BARX2: variants seen among roughly 807,000 people sequenced by gnomAD.
The protein encoded by BARX2 is homeobox protein BarH-like 2.
A neutral mutation model predicts 25.5 loss-of-function variants in BARX2; 11 were observed. The observed-to-expected ratio is 0.43, with a 90% CI of 0.27 to 0.71. BARX2 has a LOEUF of 0.71. Among genes scored for constraint, BARX2 ranks in the 30% least tolerant of loss-of-function variants. The pLI is 0.19. For missense variants in BARX2, 360 were observed against 359.9 expected (o/e 1.00, Z 0.00); for synonymous variants, 137 against 149.5 (o/e 0.92, Z 0.61).
intron 1 of BARX2, among the ~76,000 whole-genome samples, chr11:129,427,331 A>G (rs975078465): frequency 6.6e-6 from 1 of 152,030 alleles, no homozygotes; most frequent in Non-Finnish European, 1.5e-5. Flanking sequence ...ACCTCAAACT[A>G]CCAGCCAGTT....
intron 1 of BARX2, among the ~76,000 whole-genome samples, chr11:129,384,818 T>C (rs1861602586): frequency 6.6e-6 from 1 of 152,224 alleles, no homozygotes. Flanking sequence ...AGCGACTGTT[T>C]AGAAATTACC....
At chr11:129,434,966 A>G (rs1000615069) in intron 1 of BARX2, among the ~76,000 whole-genome samples, 18 of 152,252 alleles carry the variant, frequency 1.2e-4, no homozygotes, top group Admixed American at 6.5e-4. Context: ...GTCATTTCCT[A>G]TAATGATAAG....
At chr11:129,448,738 C>A (rs572962846) in intron 3 of BARX2, among the ~76,000 whole-genome samples, 2 of 152,186 alleles carry the variant, frequency 1.3e-5, no homozygotes, top group Non-Finnish European at 2.9e-5. Flanking sequence ...CCAAATGATC[C>A]AGCAATTCAA....
chr11:129,400,794 G>A (rs111755809), intron 1 of BARX2, among the ~76,000 whole-genome samples: 1,712 of 152,318 alleles, frequency 0.011, 43 homozygotes, highest in African/African-American at 0.036. Context: ...GGTGGCAGGC[G>A]TGGGTCAAGG....
At chr11:129,392,848 C>A (rs1861679884) in intron 1 of BARX2, among the ~76,000 whole-genome samples, 1 of 152,018 alleles carries the variant, frequency 6.6e-6, no homozygotes, top group African/African-American at 2.4e-5. Flanking sequence ...TGGCCTCAAG[C>A]GATCCACTTG....
chr11:129,377,725 AAGAG>A (rs1419250797), intron 1 of BARX2, among the ~76,000 whole-genome samples: 2 of 152,218 alleles, frequency 1.3e-5, no homozygotes, highest in African/African-American at 4.8e-5. Flanking sequence ...TTCGAGGAAA[AAGAG>A]AGGATCTGTT....
intron 3 of BARX2, among the ~76,000 whole-genome samples, chr11:129,444,753 T>C (rs1424162751): frequency 2.6e-5 from 4 of 152,034 alleles, no homozygotes; most frequent in Non-Finnish European, 5.9e-5. Context: ...TGTAATCCCA[T>C]CAGTTTGGGA....
In BARX2 at chr11:129,390,678, T is replaced by C. The variant is rs572982091; in HGVS notation, c.187+14456T>C. ...GAAAAATGAGAATGGAAGATTTCAT[T>C]TGGAAATGGCCCTGTGAGTACGTGC... On this transcript the variant is annotated intron_variant, in intron 1 of 3. Transcript: ENST00000281437. This position sits in a 1 kb window ranked among gnomAD's most constrained non-coding sequence, Gnocchi z 4.3. 9.9e-5 allele frequency among the ~76,000 whole-genome samples: 15 copies of C among 152,236 alleles called. No individual in the cohort carries two copies. The South Asian group carries it at 3.1e-3, about 32-fold the overall frequency.
chr11:129,432,271 AG>A (rs1257270274), intron 1 of BARX2, among the ~76,000 whole-genome samples: 1 of 152,158 alleles, frequency 6.6e-6, no homozygotes, highest in Non-Finnish European at 1.5e-5. Flanking sequence ...CATATTGGCC[AG>A]GCTTGTCTCG....
chr11:129,428,927 C>T (rs931767563), intron 1 of BARX2, among the ~76,000 whole-genome samples: 3 of 151,862 alleles, frequency 2.0e-5, no homozygotes, highest in African/African-American at 4.8e-5. Flanking sequence ...TGCATCAGAA[C>T]GTTGGGTCAA....
rs577099852 is a variant in BARX2, at chr11:129,439,376, C to A, written c.488+2325C>A. Among the ~76,000 whole-genome samples, 10 of 152,076 alleles carry A rather than the reference C, an allele frequency of 6.6e-5. No individual in the cohort carries two copies. In the South Asian group the frequency reaches 2.1e-3, roughly 32 times the overall value. ...CACGTGCCATGGTGGTTTACTGCAC[C>A]CATCAACCCATCATCTACATTAGGT... On this transcript the variant is annotated intron_variant, in intron 2 of 3. Transcript: ENST00000281437.
Position 129,399,546 on chromosome 11 carries a change from G to T in BARX2, c.187+23324G>T, listed in dbSNP as rs371813059. 1.2e-4 allele frequency among the ~76,000 whole-genome samples: 19 copies of T among 152,250 alleles called. No homozygotes were observed. In the East Asian group the frequency reaches 3.1e-3, roughly 25 times the overall value. ...CAGAATTGGGGCTTAGTCTGGGCAGGTTCTTGGCTTTGCCCAGAAAAGAAT... is the reference window on the plus strand; with the variant it reads ...CAGAATTGGGGCTTAGTCTGGGCAGTTTCTTGGCTTTGCCCAGAAAAGAAT... On this transcript the variant is annotated intron_variant, in intron 1 of 3. Transcript: ENST00000281437.
intron 1 of BARX2, among the ~76,000 whole-genome samples, chr11:129,418,813 A>C (rs1441581214): frequency 2.6e-5 from 4 of 152,236 alleles, no homozygotes; most frequent in Non-Finnish European, 4.4e-5. Flanking sequence ...GTTGGAATGC[A>C]CATCAACTGC....
chr11:129,425,505 A>G lies in BARX2; in HGVS notation c.188-11246A>G, dbSNP rs151291843. On this transcript the variant is annotated intron_variant, in intron 1 of 3. Coordinates refer to ENST00000281437, the MANE Select transcript of BARX2 (RefSeq NM_003658.5). ...ACCATGTCCATGTGCTAACTGGCCA[A>G]TGGAGGTGAAGGGTGGTGGAGGCTG... 2.0e-5 allele frequency among the ~76,000 whole-genome samples: 3 copies of G among 152,330 alleles called. No individual in the cohort carries two copies. The East Asian group carries it at 5.8e-4, about 29-fold the overall frequency.
intron 1 of BARX2, among the ~76,000 whole-genome samples, chr11:129,383,569 GC>G (rs1487462747): frequency 6.6e-6 from 1 of 152,192 alleles, no homozygotes; most frequent in Non-Finnish European, 1.5e-5. Flanking sequence ...TCTGAAAAGG[GC>G]CCCTGCCAGT....
intron 1 of BARX2, among the ~76,000 whole-genome samples, chr11:129,385,696 G>A (rs1401931299): frequency 6.6e-6 from 1 of 152,118 alleles, no homozygotes; most frequent in African/African-American, 2.4e-5. Context: ...AGACAAAAAG[G>A]CCTAATGTAA....
Position 129,436,963 on chromosome 11 carries a change from C to G in BARX2, c.400C>G (p.Arg134Gly), listed in dbSNP as rs777193995. ...EQPTPRQKKP[R>G]RSRTIFTELQ... ...GCCCACGCCCCGACAGAAGAAGCCCCGCCGGAGTCGCACCATCTTCACCGA... is the reference window on the plus strand; with the variant it reads ...GCCCACGCCCCGACAGAAGAAGCCCGGCCGGAGTCGCACCATCTTCACCGA... The change falls in exon 2 of 4, where the codon CGC (arginine) becomes GGC (glycine). Residue 134 changes from arginine (R) to glycine (G), a missense_variant. By Grantham distance (125) the Arg-to-Gly change is moderately radical. Transcript: ENST00000281437. The surrounding 1 kb of genome is among the most constrained non-coding windows in gnomAD (Gnocchi z 4.5). 6.2e-7 allele frequency: 1 copy of G among 1,611,642 alleles called. No individual in the cohort carries two copies. Among genetic ancestry groups the G allele is most frequent in the South Asian group, 1.1e-5 (1 of 90,816 alleles).
intron 1 of BARX2, among the ~76,000 whole-genome samples, chr11:129,389,854 T>C (rs905339294): frequency 6.6e-6 from 1 of 152,198 alleles, no homozygotes; most frequent in Non-Finnish European, 1.5e-5. Flanking sequence ...CTAATCACTT[T>C]CCTAGTATAT....
chr11:129,415,487 G>T (rs2135400522), intron 1 of BARX2, among the ~76,000 whole-genome samples: 1 of 152,286 alleles, frequency 6.6e-6, no homozygotes, highest in East Asian at 1.9e-4. Context: ...TAAGCAATAA[G>T]AATGGTTCTG....
Sources: allele counts gnomAD v4.1 joint callset (sites outside exome capture counted in the v4.1 genomes callset), GRCh38; gene constraint gnomAD v4.1.1; non-coding constraint Gnocchi (gnomAD v3.1); transcripts MANE v1.5; gene names NCBI Gene and HGNC (gene_info 2026-07-23, HGNC 2026-07-21).